The following FARS2 variants were observed in gnomAD, a reference collection of about 807,000 sequenced individuals.
The protein encoded by FARS2 is phenylalanyl-tRNA synthetase 2, mitochondrial.
Under a neutral mutation model 46.4 loss-of-function variants are expected in FARS2, and 40 were observed. That is an observed-to-expected ratio of 0.86 (90% CI 0.67 to 1.12). FARS2 has a LOEUF of 1.12. FARS2 is among the 50% of genes most tolerant of loss of function. The pLI is 0.00. For synonymous variants in FARS2, 234 were observed against 214.9 expected (o/e 1.09, Z -0.78); for missense variants, 513 against 567.9 (o/e 0.90, Z 0.98).
chr6:5,488,638 A>G lies in FARS2; in HGVS notation c.905-56542A>G, dbSNP rs1037125787. On this transcript the variant is annotated intron_variant, in intron 4 of 6. Transcript: ENST00000274680. ...TGAAAGAGAATGGGTTTAATGGAGC[A>G]TAAGAGTTTAGTTGGGACTTGTTGA... Among the ~76,000 whole-genome samples the G allele has an allele frequency of 7.2e-5, 11 of 152,154 alleles. 2 individuals carry two copies. The highest frequency in any genetic ancestry group is 7.2e-4 in the Admixed American group (11 of 15,288).
chr6:5,294,276 A>G (rs1267702999), intron 1 of FARS2, among the ~76,000 whole-genome samples: 3 of 152,190 alleles, frequency 2.0e-5, no homozygotes, highest in Non-Finnish European at 4.4e-5. Context: ...GGAAGCCAGG[A>G]CCAGTGTTTA....
At chr6:5,742,571 T>A (rs1761411990) in intron 6 of FARS2, among the ~76,000 whole-genome samples, 1 of 152,156 alleles carries the variant, frequency 6.6e-6, no homozygotes, top group Non-Finnish European at 1.5e-5. Flanking sequence ...GTACAAAGTT[T>A]CCTCTTATTT....
chr6:5,286,032 C>T (rs1767087237), intron 1 of FARS2, among the ~76,000 whole-genome samples: 1 of 143,782 alleles, frequency 7.0e-6, no homozygotes, highest in African/African-American at 2.7e-5. Context: ...ATAGCTGTTC[C>T]CTTCTTATGT....
At chr6:5,770,564 C>T (rs1762981995) in intron 6 of FARS2, among the ~76,000 whole-genome samples, 1 of 152,132 alleles carries the variant, frequency 6.6e-6, no homozygotes, top group East Asian at 1.9e-4. Context: ...GGGACAGGGC[C>T]AGGCCTGCCA....
At chr6:5,549,691 T>C (rs997657055) in intron 5 of FARS2, among the ~76,000 whole-genome samples, 2 of 152,190 alleles carry the variant, frequency 1.3e-5, no homozygotes, top group Non-Finnish European at 2.9e-5. Flanking sequence ...AAATTAATTC[T>C]CTAATACAAA....
At chr6:5,402,853 CACACTTAGTGTAACTT>C (rs2127715520) in intron 2 of FARS2, among the ~76,000 whole-genome samples, 1 of 152,288 alleles carries the variant, frequency 6.6e-6, no homozygotes, top group Admixed American at 6.5e-5. Context: ...AAAGGCTTTT[CACACTTAGTGTAACTT>C]ACACTTTCTG....
intron 4 of FARS2, among the ~76,000 whole-genome samples, chr6:5,529,404 T>G (rs1428746597): frequency 1.3e-5 from 2 of 152,116 alleles, no homozygotes; most frequent in African/African-American, 4.8e-5. Flanking sequence ...GCCTCCTGGG[T>G]TCAATCGATT....
intron 3 of FARS2, among the ~76,000 whole-genome samples, chr6:5,420,645 C>CA (rs1462638654): frequency 6.6e-6 from 1 of 152,202 alleles, no homozygotes; most frequent in African/African-American, 2.4e-5. Context: ...CCTGCTGATG[C>CA]AAGAGGTATG....
intron 4 of FARS2, among the ~76,000 whole-genome samples, chr6:5,491,896 G>A (rs1313854971): frequency 6.7e-6 from 1 of 148,756 alleles, no homozygotes; most frequent in Non-Finnish European, 1.5e-5. Flanking sequence ...CTACCTCACG[G>A]TGCTATTGTA....
At chr6:5,392,591 C>G (rs888380459) in intron 2 of FARS2, among the ~76,000 whole-genome samples, 1 of 151,830 alleles carries the variant, frequency 6.6e-6, no homozygotes, top group Non-Finnish European at 1.5e-5. Flanking sequence ...ACTTAGCCCA[C>G]CTGCTCTCTC....
At chr6:5,629,659 A>T (rs563702664) in intron 6 of FARS2, among the ~76,000 whole-genome samples, 1 of 152,272 alleles carries the variant, frequency 6.6e-6, no homozygotes, top group East Asian at 1.9e-4. Flanking sequence ...GCAGTTTTTA[A>T]ATGATTACCT....
chr6:5,472,158 A>G (rs934499852), intron 4 of FARS2, among the ~76,000 whole-genome samples: 1 of 152,176 alleles, frequency 6.6e-6, no homozygotes, highest in Non-Finnish European at 1.5e-5. Flanking sequence ...CGCATGACTA[A>G]TAGGATTGGG....
intron 4 of FARS2, 150 bp downstream of exon 4, chr6:5,431,322 T>A (rs1763154352): frequency 1.2e-6 from 1 of 807,838 alleles, no homozygotes; most frequent in Non-Finnish European, 2.0e-6. Flanking sequence ...TAGATTTGTC[T>A]TTGATACTAA....
intron 1 of FARS2, among the ~76,000 whole-genome samples, chr6:5,351,546 TC>T (rs1248860557): frequency 6.6e-6 from 1 of 151,960 alleles, no homozygotes; most frequent in Non-Finnish European, 1.5e-5. Context: ...GATTAACTGA[TC>T]CCCCCCACAA....
chr6:5,512,824 T>TA (rs1367643731), intron 4 of FARS2, among the ~76,000 whole-genome samples: 2 of 151,960 alleles, frequency 1.3e-5, no homozygotes, highest in African/African-American at 4.8e-5. Flanking sequence ...TTAGTAGGCA[T>TA]AAAAAAAGGA....
chr6:5,574,370 C>T (rs1163048239), intron 5 of FARS2, among the ~76,000 whole-genome samples: 6 of 152,094 alleles, frequency 3.9e-5, no homozygotes, highest in South Asian at 4.1e-4. Flanking sequence ...GTGATCTACC[C>T]GCCTCGGCCT....
chr6:5,734,794 G>C (rs1414819072), intron 6 of FARS2, among the ~76,000 whole-genome samples: 2 of 151,748 alleles, frequency 1.3e-5, no homozygotes, highest in African/African-American at 4.9e-5. Context: ...ATGGTTGTTT[G>C]ATTTGTAGAT....
intron 4 of FARS2, among the ~76,000 whole-genome samples, chr6:5,509,172 G>A (rs952515215): frequency 6.6e-6 from 1 of 152,200 alleles, no homozygotes; most frequent in Non-Finnish European, 1.5e-5. Context: ...TTAGGTAAAA[G>A]CTGTTAACCT....
chr6:5,383,212 C>T (rs1241295900), intron 2 of FARS2, among the ~76,000 whole-genome samples: 4 of 152,222 alleles, frequency 2.6e-5, no homozygotes, highest in Non-Finnish European at 4.4e-5. Context: ...ATCGATGCCA[C>T]ATTTTTATTA....
Sources: allele counts gnomAD v4.1 joint callset (sites outside exome capture counted in the v4.1 genomes callset), GRCh38; gene constraint gnomAD v4.1.1; transcripts MANE v1.5; gene names NCBI Gene and HGNC (gene_info 2026-07-23, HGNC 2026-07-21).